PSD3: variants seen among roughly 807,000 people sequenced by gnomAD.
PSD3 encodes the protein PH and SEC7 domain-containing protein 3.
Under a neutral mutation model 105.5 loss-of-function variants are expected in PSD3, and 49 were observed. The ratio of observed to expected loss-of-function variants is 0.46; its 90% CI spans 0.37 to 0.59. The LOEUF (loss-of-function observed/expected upper bound fraction) is 0.59, where lower values mean the gene tolerates loss of function less well. Among genes scored for constraint, PSD3 ranks in the 20% least tolerant of loss-of-function variants. The probability of loss-of-function intolerance (pLI) is 0.00; values close to 1 mark genes in which losing one functional copy is unlikely to be tolerated. For missense variants in PSD3, 1,561 were observed against 1,263.8 expected, an observed-to-expected ratio of 1.24 and a Z score of -3.57; for synonymous variants, 557 against 457.8, an observed-to-expected ratio of 1.22 and a Z score of -2.77.
chr8:19,000,864 T>C lies in PSD3; in HGVS notation c.21+12699A>G, dbSNP rs560872377. The C allele has an allele frequency of 5.3e-5, 8 of 151,994 alleles. No individual in the cohort carries two copies. The East Asian group carries it at 9.7e-4, about 18-fold the overall frequency. 9.4% of individuals were successfully genotyped at this position (151,994 alleles called of 1,614,324 possible). On this transcript the variant is annotated intron_variant, in intron 1 of 15. Coordinates refer to ENST00000327040, the MANE Select transcript of PSD3 (RefSeq NM_015310.4). The stretch of plus-strand genomic sequence containing the variant: ...GTAACAGCCTATGGGGTTTAACTCA[T>C]TCGCTAAAGAAACATATTGAATGAG...
At position 18,720,001 on chromosome 8, in the gene PSD3, C is replaced by T. The variant is rs181314568; in HGVS notation, c.2172+45448G>A. Among the ~76,000 whole-genome samples the T allele has an allele frequency of 1.2e-4, 18 of 152,168 alleles. No individual in the cohort carries two copies. In the East Asian group the frequency reaches 1.7e-3, roughly 15 times the overall value. On this transcript the variant is annotated intron_variant, in intron 9 of 15. Coordinates refer to ENST00000327040, the MANE Select transcript of PSD3 (RefSeq NM_015310.4). Reference sequence around the variant, plus strand: ...ATCGAAACCCAAAAAGGTAAAGATACGTAAGTTTTCTTGCCCTTAATGCCC... The same window carrying T: ...ATCGAAACCCAAAAAGGTAAAGATATGTAAGTTTTCTTGCCCTTAATGCCC...
intron 15 of PSD3, among the ~76,000 whole-genome samples, chr8:18,549,080 G>C (rs544560325): frequency 6.6e-5 from 10 of 152,132 alleles, no homozygotes; most frequent in Non-Finnish European, 1.5e-4. Context: ...CATGGTTGCA[G>C]GGGGCTCTCT....
At chr8:18,919,837 CT>C (rs1379018536) in intron 2 of PSD3, among the ~76,000 whole-genome samples, 1 of 108,062 alleles carries the variant, frequency 9.3e-6, no homozygotes, top group African/African-American at 3.8e-5. Context: ...ACATCACACT[CT>C]GGGGACTGTG....
intron 9 of PSD3, among the ~76,000 whole-genome samples, chr8:18,761,006 A>C (rs1806481483): frequency 6.6e-6 from 1 of 152,200 alleles, no homozygotes; most frequent in Non-Finnish European, 1.5e-5. Flanking sequence ...AATATGAACT[A>C]GTTTGCTTCC....
chr8:19,077,204 G>A (rs1270274910), intron 1 of PSD3, among the ~76,000 whole-genome samples: 1 of 152,150 alleles, frequency 6.6e-6, no homozygotes, highest in African/African-American at 2.4e-5. Flanking sequence ...AGAACTCAAT[G>A]AAGAGCAGCC....
chr8:18,774,760 C>A (rs1585928817), intron 8 of PSD3: 5 of 388,096 alleles, frequency 1.3e-5, no homozygotes, highest in Admixed American at 6.0e-5. Context: ...ACACAGGCAA[C>A]AGATTTGGAA....
intron 9 of PSD3, among the ~76,000 whole-genome samples, chr8:18,662,218 G>A (rs1310723818): frequency 6.6e-6 from 1 of 152,126 alleles, no homozygotes; most frequent in Non-Finnish European, 1.5e-5. Context: ...AAGAGAATCT[G>A]AAGTATAATT....
intron 15 of PSD3, among the ~76,000 whole-genome samples, chr8:18,549,119 G>C (rs1306579890): frequency 6.6e-6 from 1 of 151,882 alleles, no homozygotes; most frequent in East Asian, 1.9e-4. Flanking sequence ...CTTGAGGTAG[G>C]GGTGACATAG....
At chr8:18,620,725 G>C (rs537341065) in intron 11 of PSD3, among the ~76,000 whole-genome samples, 1 of 152,222 alleles carries the variant, frequency 6.6e-6, no homozygotes, top group South Asian at 2.1e-4. Context: ...AAGAAAAAAA[G>C]AGAAAACATT....
At chr8:18,561,509 T>C (rs1801395821) in intron 14 of PSD3, among the ~76,000 whole-genome samples, 1 of 152,006 alleles carries the variant, frequency 6.6e-6, no homozygotes, top group South Asian at 2.1e-4. Context: ...ATGAAAAATA[T>C]CAGACAAGAG....
intron 2 of PSD3, among the ~76,000 whole-genome samples, chr8:18,922,496 A>G (rs995548284): frequency 3.0e-4 from 46 of 152,212 alleles, no homozygotes; most frequent in African/African-American, 1.1e-3. Flanking sequence ...ACCTACACAG[A>G]AGACTTCTGT....
Position 18,530,345 on chromosome 8 carries a change from C to A in PSD3, c.*5398G>T, listed in dbSNP as rs935881797. On this transcript the variant is annotated 3_prime_UTR_variant, in exon 16 of 16. Coordinates refer to ENST00000327040, the MANE Select transcript of PSD3 (RefSeq NM_015310.4). ...TAAACCTGGTCCTGAAATTCTTTTACCTGTGACACTAGATGCTAATTTCTG... is the reference window on the plus strand; with the variant it reads ...TAAACCTGGTCCTGAAATTCTTTTAACTGTGACACTAGATGCTAATTTCTG... 1 of 152,250 alleles carries A rather than the reference C, an allele frequency of 6.6e-6. No individual in the cohort carries two copies. The highest frequency in any genetic ancestry group is 6.6e-5 in the Admixed American group (1 of 15,264). The allele number at this position is 152,250 out of a possible 1,614,324, so 9.4% of individuals were successfully genotyped here. A position where few individuals can be genotyped will look rare whatever the true frequency, so the allele number is the denominator to read the frequency against.
intron 2 of PSD3, among the ~76,000 whole-genome samples, chr8:18,927,983 A>G (rs1821481699): frequency 6.6e-6 from 1 of 152,206 alleles, no homozygotes; most frequent in Non-Finnish European, 1.5e-5. Context: ...CAACTCGGCA[A>G]TTCTACTTCT....
chr8:18,705,829 G>A (rs1408021071), intron 9 of PSD3, among the ~76,000 whole-genome samples: 1 of 152,134 alleles, frequency 6.6e-6, no homozygotes, highest in African/African-American at 2.4e-5. Context: ...AGTGGAATGT[G>A]GTTGTTGTAT....
chr8:18,737,518 G>C (rs1804244337), intron 9 of PSD3, among the ~76,000 whole-genome samples: 1 of 152,038 alleles, frequency 6.6e-6, no homozygotes, highest in South Asian at 2.1e-4. Flanking sequence ...GTCCAGGCTG[G>C]TTTCAAACTC....
At chr8:18,959,311 C>G (rs1336988161) in intron 1 of PSD3, among the ~76,000 whole-genome samples, 2 of 152,030 alleles carry the variant, frequency 1.3e-5, no homozygotes, top group African/African-American at 4.8e-5. Flanking sequence ...ATCTCCCTTC[C>G]GAACATCCAA....
chr8:18,970,056 G>GT (rs1554556185), intron 1 of PSD3, among the ~76,000 whole-genome samples: 3 of 151,722 alleles, frequency 2.0e-5, no homozygotes, highest in South Asian at 2.1e-4. Flanking sequence ...GGCCAGGTGC[G>GT]GGCTCACACC....
Position 18,871,778 on chromosome 8 carries a change from A to T in PSD3, c.1086T>A (p.Asp362Glu), listed in dbSNP as rs1430456978. 1 of 1,614,190 alleles carries T rather than the reference A, an allele frequency of 6.2e-7. No homozygotes were observed. Among genetic ancestry groups the T allele is most frequent in the Non-Finnish European group, 8.5e-7 (1 of 1,180,030 alleles). The change falls in exon 3 of 16, where the codon GAT (aspartate) becomes GAA (glutamate). Residue 362 changes from aspartate (D) to glutamate (E), a missense_variant. Coordinates refer to ENST00000327040, the MANE Select transcript of PSD3 (RefSeq NM_015310.4). ...TCTCTGAAGGAGCTTTCCAGGATTC[A>T]TCCCAAACATTCTCAGTTAAACTAC... Reference protein sequence around the residue: ...NSSSLTENVWDESWKAPSERP... With the variant: ...NSSSLTENVWEESWKAPSERP...
chr8:19,061,545 C>T (rs533724563), intron 1 of PSD3, among the ~76,000 whole-genome samples: 1 of 151,890 alleles, frequency 6.6e-6, no homozygotes, highest in East Asian at 1.9e-4. Flanking sequence ...CGGAGGCTCA[C>T]GCCTGTAATC....
Sources: gnomAD v4.1 joint callset for allele counts (sites outside exome capture counted in the v4.1 genomes callset) on GRCh38, gnomAD v4.1.1 for gene constraint, MANE v1.5 for transcripts, NCBI Gene and HGNC (gene_info 2026-07-23, HGNC 2026-07-21) for gene names.